The following CHM variants were observed in gnomAD, a reference collection of about 807,000 sequenced individuals.
The protein encoded by CHM is CHM Rab escort protein.
In CHM, 10 loss-of-function variants were observed where a neutral mutation model predicts 49.0. The observed-to-expected ratio is 0.20, with a 90% CI of 0.13 to 0.35. The LOEUF is 0.35. Ranked by LOEUF, CHM falls within the 10% of genes least tolerant of loss-of-function variation. The pLI is 1.00. For missense variants in CHM, 455 were observed against 478.4 expected (o/e 0.95, Z 0.46); for synonymous variants, 184 against 167.5 (o/e 1.10, Z -0.76).
chrX:85,949,978 AATATATATATAT>A lies in CHM; in HGVS notation c.1166+6163_1166+6174del, dbSNP rs200318878. Among the ~76,000 whole-genome samples the A allele has an allele frequency of 1.8e-3, 75 of 42,795 alleles. 2 individuals carry two copies. The highest frequency in any genetic ancestry group is 0.016 in the East Asian group (21 of 1,294). 37.2% of individuals were successfully genotyped at this position (42,795 alleles called of 115,157 possible). ...CTTTGAGCAATAAACACTGAAATTA[AATATATATATAT>A]ATATATATATATATATATATCTTGT... On this transcript the variant is annotated intron_variant, in intron 8 of 14. Coordinates refer to ENST00000357749, the MANE Select transcript of CHM (RefSeq NM_000390.4).
chrX:85,976,491 A>G (rs1035179405), intron 4 of CHM, among the ~76,000 whole-genome samples: 1 of 110,222 alleles, frequency 9.1e-6, no homozygotes, highest in Non-Finnish European at 1.9e-5. Context: ...GTGTGGTGGC[A>G]GGCGCCTGCA....
At chrX:86,011,139 A>G (rs1205883904) in intron 2 of CHM, among the ~76,000 whole-genome samples, 1 of 111,955 alleles carries the variant, frequency 8.9e-6, no homozygotes, top group Non-Finnish European at 1.9e-5. Context: ...CTGAGGATAT[A>G]TAGACATATA....
Position 85,861,999 on chromosome X carries a change from A to G in CHM, c.*2631T>C, listed in dbSNP as rs1331397746. On this transcript the variant is annotated 3_prime_UTR_variant, in exon 15 of 15. Coordinates refer to ENST00000357749, the MANE Select transcript of CHM (RefSeq NM_000390.4). ...TGCAGTAATTAGGATAGCTAAAATC[A>G]AAGCTCTAAGAATAATTTCTGTTAC... 2.7e-5 allele frequency: 3 copies of G among 112,478 alleles called. No homozygotes were observed. Among genetic ancestry groups the G allele is most frequent in the Non-Finnish European group, 5.6e-5 (3 of 53,296 alleles). 9.3% of individuals were successfully genotyped at this position (112,478 alleles called of 1,213,427 possible).
chrX:86,014,524 A>C (rs1307752107), intron 2 of CHM, among the ~76,000 whole-genome samples: 1 of 112,842 alleles, frequency 8.9e-6, no homozygotes, highest in Non-Finnish European at 1.9e-5. Flanking sequence ...TATGAATTAC[A>C]GAACTAACTA....
chrX:85,996,377 G>A (rs1052418375), intron 2 of CHM, among the ~76,000 whole-genome samples: 66 of 111,882 alleles, frequency 5.9e-4, no homozygotes, highest in African/African-American at 2.1e-3. Context: ...TTGACTTGAC[G>A]AATATAGATG....
intron 8 of CHM, among the ~76,000 whole-genome samples, chrX:85,932,179 G>T (rs1367475720): frequency 8.9e-6 from 1 of 112,075 alleles, no homozygotes; most frequent in Non-Finnish European, 1.9e-5. Flanking sequence ...AAGGTTGACA[G>T]ATTCGTATTT....
intron 1 of CHM, among the ~76,000 whole-genome samples, chrX:86,044,839 G>A (rs1038670093): frequency 1.8e-5 from 2 of 111,065 alleles, no homozygotes; most frequent in African/African-American, 3.3e-5. Flanking sequence ...TATTTTTTCC[G>A]CAATTCCACT....
At chrX:85,893,669 T>A (rs763023292) in intron 12 of CHM, among the ~76,000 whole-genome samples, 36 of 111,186 alleles carry the variant, frequency 3.2e-4, no homozygotes, top group Non-Finnish European at 6.2e-4. Context: ...GGAAGCTTTT[T>A]TATCCCCTTG....
intron 4 of CHM, 192 bp downstream of exon 4, chrX:85,978,575 G>T: frequency 3.1e-6 from 1 of 327,219 alleles, no homozygotes; most frequent in Non-Finnish European, 5.4e-6. Flanking sequence ...TAAATTCGGA[G>T]GCGTTAAGGT....
intron 14 of CHM, among the ~76,000 whole-genome samples, chrX:85,867,722 T>C (rs1923787425): frequency 8.9e-6 from 1 of 111,764 alleles, no homozygotes. Context: ...GGCTTCCTTA[T>C]CTATAAAATA....
chrX:85,949,978 A>AATATAGATATATATATATATATATAT (rs1929643536), intron 8 of CHM, among the ~76,000 whole-genome samples: 1 of 42,807 alleles, frequency 2.3e-5, no homozygotes, highest in Non-Finnish European at 4.4e-5. Context: ...ACTGAAATTA[A>AATATAGATATATATATATATATATAT]ATATATATAT....
chrX:85,936,220 C>G (rs1015590319), intron 8 of CHM, among the ~76,000 whole-genome samples: 1 of 111,778 alleles, frequency 8.9e-6, no homozygotes, highest in Non-Finnish European at 1.9e-5. Context: ...AATGTTAATA[C>G]CAAATCTAGT....
intron 12 of CHM, among the ~76,000 whole-genome samples, chrX:85,885,434 C>A (rs1478821378): frequency 1.8e-5 from 2 of 109,891 alleles, no homozygotes; most frequent in African/African-American, 6.6e-5. Flanking sequence ...GAAGAATTCC[C>A]ATAATTTCTC....
intron 2 of CHM, among the ~76,000 whole-genome samples, chrX:86,024,155 G>A (rs1185935264): frequency 8.9e-6 from 1 of 111,902 alleles, no homozygotes. Flanking sequence ...AGGCAATCCA[G>A]GCTGAGGGGA....
intron 8 of CHM, among the ~76,000 whole-genome samples, chrX:85,952,103 C>T (rs148159806): frequency 6.3e-4 from 71 of 111,977 alleles, no homozygotes; most frequent in Middle Eastern, 4.6e-3. Flanking sequence ...CTAAAGTGCT[C>T]TGGAGTTCTA....
intron 2 of CHM, among the ~76,000 whole-genome samples, chrX:85,985,224 CT>C (rs1215482922): frequency 8.9e-6 from 1 of 112,496 alleles, no homozygotes; most frequent in African/African-American, 3.2e-5. Flanking sequence ...AGCCTTTGGA[CT>C]TTGGAGACTC....
Position 85,973,300 on chromosome X carries a change from CAAAAAAAAAAAAAA to C in CHM, c.314+5453_314+5466del, listed in dbSNP as rs58103002. On this transcript the variant is annotated intron_variant, in intron 4 of 14. Coordinates refer to ENST00000357749, the MANE Select transcript of CHM (RefSeq NM_000390.4). ...GTGACACAGTGAGACTCTGTCTCGA[CAAAAAAAAAAAAAA>C]AAAAAAAAAAAAAAAAAGAAAGAAA... 1.3e-3 allele frequency among the ~76,000 whole-genome samples: 22 copies of C among 16,333 alleles called. 1 individual carries two copies. The highest frequency in any genetic ancestry group is 0.017 in the South Asian group (1 of 58). The allele number at this position is 16,333 out of a possible 115,157, so 14.2% of individuals were successfully genotyped here.
At chrX:85,988,730 GA>G (rs1932038839) in intron 2 of CHM, among the ~76,000 whole-genome samples, 1 of 111,389 alleles carries the variant, frequency 9.0e-6, no homozygotes, top group African/African-American at 3.3e-5. Context: ...AGCCAAATCA[GA>G]AAGCCAATCT....
intron 2 of CHM, among the ~76,000 whole-genome samples, chrX:86,025,919 T>C (rs934896140): frequency 1.8e-5 from 2 of 110,356 alleles, no homozygotes; most frequent in East Asian, 5.7e-4. Flanking sequence ...GAAACTAATA[T>C]GTTGACTAGC....
Sources: gnomAD v4.1 joint callset for allele counts (sites outside exome capture counted in the v4.1 genomes callset) on GRCh38, gnomAD v4.1.1 for gene constraint, MANE v1.5 for transcripts, NCBI Gene and HGNC (gene_info 2026-07-23, HGNC 2026-07-21) for gene names.